TMPRSS9: variants seen among roughly 807,000 people sequenced by gnomAD.
TMPRSS9 encodes transmembrane serine protease 9.
In TMPRSS9, 113 loss-of-function variants were observed where a neutral mutation model predicts 111.4. The observed-to-expected ratio is 1.01, with a 90% CI of 0.87 to 1.19. The LOEUF is 1.19. Among genes scored for constraint, TMPRSS9 ranks in the 50% most tolerant of loss-of-function variants. TMPRSS9 has a pLI of 0.00. For synonymous variants in TMPRSS9, 805 were observed against 659.1 expected, an observed-to-expected ratio of 1.22 and a Z score of -3.39; for missense variants, 1,803 against 1,513.1, an observed-to-expected ratio of 1.19 and a Z score of -3.18.
At chr19:2,404,224 C>T (rs528551471) in intron 6 of TMPRSS9, among the ~76,000 whole-genome samples, 13 of 152,106 alleles carry the variant, frequency 8.5e-5, no homozygotes, top group African/African-American at 2.9e-4. Flanking sequence ...AATACTAGCC[C>T]ATGCAATAAG....
At chr19:2,421,875 G>A in exon 14 of TMPRSS9, 1 of 1,608,534 alleles carries the variant, frequency 6.2e-7, no homozygotes, top group Non-Finnish European at 8.5e-7. Context: ...GGGCCCCCTG[G>A]CCTGCGAGGA....
intron 1 of TMPRSS9, among the ~76,000 whole-genome samples, chr19:2,362,254 G>A (rs1337550248): frequency 6.6e-6 from 1 of 152,060 alleles, no homozygotes; most frequent in African/African-American, 2.4e-5. Flanking sequence ...GTCGATGGCT[G>A]TATAACTGTG....
exon 6 of TMPRSS9, chr19:2,403,114 A>C: frequency 6.2e-7 from 1 of 1,612,366 alleles, no homozygotes; most frequent in Non-Finnish European, 8.5e-7. Context: ...TTCCTGCGGG[A>C]ACAGCCAGTG....
chr19:2,365,119 T>C (rs533371824), intron 1 of TMPRSS9, among the ~76,000 whole-genome samples: 2 of 152,270 alleles, frequency 1.3e-5, no homozygotes, highest in East Asian at 3.9e-4. Context: ...ATACAACTCA[T>C]AAGTGATTGG....
At chr19:2,364,978 CAAA>C (rs74649862) in intron 1 of TMPRSS9, among the ~76,000 whole-genome samples, 1 of 133,346 alleles carries the variant, frequency 7.5e-6, no homozygotes, top group African/African-American at 2.7e-5. Context: ...GACTCCATCT[CAAA>C]AAAAAAAAAA....
chr19:2,418,315 C>CTTTCCTTCCCTCCCTT (rs1449420255), intron 13 of TMPRSS9, among the ~76,000 whole-genome samples, 177 bp downstream of exon 14: 1 of 36,638 alleles, frequency 2.7e-5, no homozygotes, highest in African/African-American at 3.1e-4. Flanking sequence ...CTTTCCCTCC[C>CTTTCCTTCCCTCCCTT]TCCCTCCCTC....
chr19:2,422,275 G>C (rs1568193019), intron 14 of TMPRSS9, 28 bp downstream of exon 15: 1 of 1,492,858 alleles, frequency 6.7e-7, no homozygotes, highest in Non-Finnish European at 8.9e-7. Context: ...GGGATCCCTG[G>C]GAGTGGAGGG....
chr19:2,401,491 T>C (rs562839932), intron 4 of TMPRSS9, among the ~76,000 whole-genome samples: 4 of 152,238 alleles, frequency 2.6e-5, no homozygotes, highest in Admixed American at 6.6e-5. Context: ...TGAGGATCGG[T>C]GTTGAAGTAG....
intron 13 of TMPRSS9, among the ~76,000 whole-genome samples, chr19:2,418,357 C>CCTTTTCCTTT (rs1971327575): frequency 1.9e-5 from 1 of 51,896 alleles, no homozygotes; most frequent in African/African-American, 1.2e-4. Context: ...TTCCCTCCCT[C>CCTTTTCCTTT]CCTCCCTTCC....
rs61749983 is a variant in TMPRSS9 at position 2,418,030 on chromosome 19, G to A, written c.2046G>A (p.Ala682=). ...CCAAGCCCGAGCTCCTGCAGAAGGC[G>A]TCCGTGGGCATCATAGACCAGAAAA... The change falls in exon 13 of 18, where the codon GCG becomes GCA. Residue 682 remains alanine, a synonymous_variant. Transcript: ENST00000648592. 2,094 of 1,611,760 alleles carry A rather than the reference G, an allele frequency of 1.3e-3. 18 individuals are homozygous for A. The African/African-American group carries it at 0.024, about 19-fold the overall frequency.
intron 1 of TMPRSS9, among the ~76,000 whole-genome samples, chr19:2,370,756 T>C (rs1415147076): frequency 6.6e-6 from 1 of 152,066 alleles, no homozygotes; most frequent in African/African-American, 2.4e-5. Context: ...TATATATATA[T>C]TGCCCAGACT....
At chr19:2,416,362 G>A in intron 11 of TMPRSS9, 176 bp from the exon 13 acceptor site, 3 of 793,554 alleles carry the variant, frequency 3.8e-6, no homozygotes, top group South Asian at 2.1e-5. Context: ...TTTTCAGGAG[G>A]AGCCCAGCAG....
chr19:2,425,266 A>C (rs939703682), exon 16 of TMPRSS9: 323 of 1,304,536 alleles, frequency 2.5e-4, no homozygotes, highest in Non-Finnish European at 2.9e-4. Context: ...TGCGCGAAGG[A>C]GGTAGGCGCG....
chr19:2,413,967 C>A, exon 10 of TMPRSS9: 1 of 1,610,340 alleles, frequency 6.2e-7, no homozygotes, highest in East Asian at 2.2e-5. Flanking sequence ...CAAATCGATG[C>A]AGGCCCTCAG....
chr19:2,425,249 G>A (rs1971587059), exon 16 of TMPRSS9: 1 of 1,394,650 alleles, frequency 7.2e-7, no homozygotes, highest in African/African-American at 1.6e-5. Context: ...CACCGGCTGG[G>A]GCTCGGTGCG....
At chr19:2,382,734 C>T (rs1970401405) in intron 1 of TMPRSS9, among the ~76,000 whole-genome samples, 1 of 151,684 alleles carries the variant, frequency 6.6e-6, no homozygotes, top group South Asian at 2.1e-4. Flanking sequence ...GATACATACG[C>T]ACAAACGCAC....
chr19:2,361,802 G>C lies in TMPRSS9; in HGVS notation c.-26+1442G>C, dbSNP rs1970201438. On this transcript the variant is annotated intron_variant, in intron 1 of 17. Coordinates refer to the TMPRSS9 transcript ENST00000649857. ...CCAGAGGTTTTGGGGACTTGCCAAAGGGTTCAGGCACTGCCCCGCAGGACT... is the reference window on the plus strand; with the variant it reads ...CCAGAGGTTTTGGGGACTTGCCAAACGGTTCAGGCACTGCCCCGCAGGACT... Among the ~76,000 whole-genome samples the C allele has an allele frequency of 1.3e-5, 2 of 152,228 alleles. 1 individual carries two copies. The highest frequency in any genetic ancestry group is 4.1e-4 in the South Asian group (2 of 4,836).
chr19:2,390,745 C>T (rs1970572077), intron 1 of TMPRSS9, among the ~76,000 whole-genome samples: 1 of 151,852 alleles, frequency 6.6e-6, no homozygotes, highest in South Asian at 2.1e-4. Context: ...CCCAGCTACT[C>T]AGGAGGCTGA....
At chr19:2,419,131 C>T (rs1421899145) in intron 13 of TMPRSS9, among the ~76,000 whole-genome samples, 2 of 116,764 alleles carry the variant, frequency 1.7e-5, no homozygotes, top group African/African-American at 6.6e-5. Flanking sequence ...CTTCTCTTCC[C>T]TCCCTCCCTT....
Sources: gnomAD v4.1 joint callset for allele counts (sites outside exome capture counted in the v4.1 genomes callset) on GRCh38, gnomAD v4.1.1 for gene constraint, MANE v1.5 for transcripts, NCBI Gene and HGNC (gene_info 2026-07-23, HGNC 2026-07-21) for gene names.